SMPD1: variants seen among roughly 807,000 people sequenced by gnomAD.
SMPD1 encodes the protein sphingomyelin phosphodiesterase.
In SMPD1, 47 loss-of-function variants were observed where a neutral mutation model predicts 49.7. The observed-to-expected ratio is 0.95, with a 90% CI of 0.75 to 1.21. The LOEUF is 1.21. Among genes scored for constraint, SMPD1 ranks in the 50% most tolerant of loss-of-function variants. The pLI, the probability that SMPD1 is intolerant of heterozygous loss-of-function variation, is 0.00. For missense variants in SMPD1, 811 were observed against 822.2 expected (o/e 0.99, Z 0.17); for synonymous variants, 336 against 339.6 (o/e 0.99, Z 0.12).
chr11:6,391,347 GC>G, intron 1 of SMPD1, 36 bp from the exon 2 acceptor site: 1 of 1,609,202 alleles, frequency 6.2e-7, no homozygotes, highest in Non-Finnish European at 8.5e-7. Context: ...CCTCTGCTCT[GC>G]CTCTGATTTC....
At chr11:6,391,010 C>G in intron 1 of SMPD1, 94 bp downstream of exon 1, 1 of 1,479,434 alleles carries the variant, frequency 6.8e-7, no homozygotes, top group Non-Finnish European at 9.2e-7. Context: ...CAGAATGCAT[C>G]CCTGATGGAG....
Position 6,394,936 on chromosome 11 carries a change from A to C in SMPD1, c.*329A>C. On this transcript the variant is annotated 3_prime_UTR_variant, in exon 6 of 6. Transcript: ENST00000342245. The stretch of plus-strand genomic sequence containing the variant: ...TGTGCTGCCCAGCCAGGAACCCTGT[A>C]CTGCTGCTGCGACCTGATGCTGCCA... The C allele has an allele frequency of 2.5e-6, 1 of 402,142 alleles. No homozygotes were observed. The highest frequency in any genetic ancestry group is 7.0e-4 in the Middle Eastern group (1 of 1,424). The allele number at this position is 402,142 out of a possible 1,614,324, so 24.9% of individuals were successfully genotyped here. A position where few individuals can be genotyped will look rare whatever the true frequency, so the allele number is the denominator to read the frequency against.
chr11:6,393,609 C>T lies in SMPD1; in HGVS notation c.1264-8C>T. Reference sequence around the variant, plus strand: ...GCCCTGATTACCATCCTTAATTCTCCCTACTAGGTGCATATAATTGGCCAC... The same window carrying T: ...GCCCTGATTACCATCCTTAATTCTCTCTACTAGGTGCATATAATTGGCCAC... On this transcript the variant is annotated splice_polypyrimidine_tract_variant and splice_region_variant and intron_variant, in intron 3 of 5. Transcript: ENST00000342245. 3 of 1,609,280 alleles carry T rather than the reference C, an allele frequency of 1.9e-6. No homozygotes were observed. The highest frequency in any genetic ancestry group is 2.6e-6 in the Non-Finnish European group (3 of 1,175,620).
chr11:6,392,947 T>C (rs1848000912), intron 2 of SMPD1, among the ~76,000 whole-genome samples: 1 of 152,090 alleles, frequency 6.6e-6, no homozygotes, highest in South Asian at 2.1e-4. Flanking sequence ...TCCCACCTTA[T>C]CCATCCCATG....
chr11:6,391,298 T>C (rs1847896352), intron 1 of SMPD1, 86 bp from the exon 2 acceptor site: 1 of 1,375,164 alleles, frequency 7.3e-7, no homozygotes. Flanking sequence ...AGTTTGGAAA[T>C]GGAGGCCCAA....
chr11:6,393,721 G>A (rs1848047824), intron 4 of SMPD1, 28 bp downstream of exon 4: 1 of 1,597,478 alleles, frequency 6.3e-7, no homozygotes. Flanking sequence ...GTGGGAATAG[G>A]GACAGGGTGA....
intron 1 of SMPD1, 35 bp from the exon 2 acceptor site, chr11:6,391,349 C>G: frequency 6.2e-7 from 1 of 1,609,718 alleles, no homozygotes; most frequent in Non-Finnish European, 8.5e-7. Context: ...TCTGCTCTGC[C>G]TCTGATTTCT....
chr11:6,393,500 C>G (rs1848033561), intron 3 of SMPD1, 113 bp downstream of exon 3: 1 of 1,406,560 alleles, frequency 7.1e-7, no homozygotes, highest in Non-Finnish European at 1.0e-6. Context: ...AACAAGTGTT[C>G]CCTGGGGATT....
Position 6,392,103 on chromosome 11 carries a change from G to T in SMPD1, c.1038G>T (p.Ala346=), listed in dbSNP as rs781107025. 11 of 1,614,010 alleles carry T rather than the reference G, an allele frequency of 6.8e-6. No individual in the cohort carries two copies. Among genetic ancestry groups the T allele is most frequent in the Non-Finnish European group, 9.3e-6 (11 of 1,180,022 alleles). Residue 346 remains alanine (A), a synonymous_variant, in exon 2 of 6, where the codon GCG becomes GCT. Coordinates refer to ENST00000342245, the MANE Select transcript of SMPD1 (RefSeq NM_000543.5). The part of the protein sequence containing the change: ...GNHSSRWLYE[A]MAKAWEPWLP... ...ACTCCTCCCGCTGGCTCTATGAAGC[G>T]ATGGCCAAGGCTTGGGAGCCCTGGC...
intron 2 of SMPD1, among the ~76,000 whole-genome samples, chr11:6,393,002 C>T (rs1247999983): frequency 1.3e-5 from 2 of 152,096 alleles, no homozygotes; most frequent in African/African-American, 4.8e-5. Flanking sequence ...CTAGCTAACT[C>T]TTATCCCTCC....
chr11:6,392,606 T>C (rs1847984045), intron 2 of SMPD1, among the ~76,000 whole-genome samples: 1 of 146,964 alleles, frequency 6.8e-6, no homozygotes, highest in Non-Finnish European at 1.5e-5. Flanking sequence ...CAAGCAATTC[T>C]GCCTCAGCCT....
rs1847907387 is a variant in SMPD1, at chr11:6,391,518, AG to A, written c.454del (p.Val152CysfsTer2). The part of the protein sequence containing the change: ...DDMVEVWRRS[V>X]LSPSEACGLL... ...ACATGGTGGAGGTGTGGAGACGCTC[AG>A]TGCTGAGCCCATCTGAGGCCTGTGG... is the stretch of plus-strand genomic sequence containing the variant. On this transcript the variant is annotated frameshift_variant, in exon 2 of 6. Coordinates refer to ENST00000342245, the MANE Select transcript of SMPD1 (RefSeq NM_000543.5). LOFTEE classifies it high-confidence loss of function. The A allele has an allele frequency of 6.2e-7, 1 of 1,613,962 alleles. No individual in the cohort carries two copies. The highest frequency in any genetic ancestry group is 8.5e-7 in the Non-Finnish European group (1 of 1,180,032).
In SMPD1 at chr11:6,390,750, A is replaced by T. The variant is rs748589919; in HGVS notation, c.152A>T (p.Asp51Val). Residue 51 changes from aspartate (D) to valine (V), a missense_variant, in exon 1 of 6, where the codon GAC becomes GTC. Transcript: ENST00000342245. ...LALALALALS[D>V]SRVLWAPAEA... Reference sequence around the variant, plus strand: ...CTGGCGCTGGCGCTGGCTCTGTCTGACTCTCGGGTTCTCTGGGCTCCGGCA... The same window carrying T: ...CTGGCGCTGGCGCTGGCTCTGTCTGTCTCTCGGGTTCTCTGGGCTCCGGCA... The T allele has an allele frequency of 8.7e-6, 14 of 1,607,138 alleles. No homozygotes were observed. The South Asian group carries it at 8.8e-5, about 10-fold the overall frequency.
intron 3 of SMPD1, 67 bp from the exon 4 acceptor site, chr11:6,393,550 C>G (rs1848036375): frequency 1.0e-5 from 15 of 1,433,830 alleles, no homozygotes; most frequent in Non-Finnish European, 1.4e-5. Context: ...TTCAGTCCCC[C>G]TTTCTCTAGC....
chr11:6,390,670 C>A lies in SMPD1; in HGVS notation c.72C>A (p.Thr24=), dbSNP rs886043870. Residue 24 remains threonine (T), a synonymous_variant, in exon 1 of 6, where the codon ACC becomes ACA. Transcript: ENST00000342245. ...GCCGGGAGCAGGGACAAGACGGGACCGCCGGAGCCCCCGGACTCCTTTGGA... is the reference window on the plus strand; with the variant it reads ...GCCGGGAGCAGGGACAAGACGGGACAGCCGGAGCCCCCGGACTCCTTTGGA... ...RSGREQGQDG[T]AGAPGLLWMG... The A allele has an allele frequency of 6.2e-7, 1 of 1,613,088 alleles. No homozygotes were observed. The highest frequency in any genetic ancestry group is 1.7e-5 in the Admixed American group (1 of 59,980).
At position 6,393,971 on chromosome 11, in the gene SMPD1, G is replaced by C. The variant is rs531223061; in HGVS notation, c.1416G>C (p.Glu472Asp). 1 of 1,614,226 alleles carries C rather than the reference G, an allele frequency of 6.2e-7. No individual in the cohort carries two copies. Among genetic ancestry groups the C allele is most frequent in the African/African-American group, 1.3e-5 (1 of 75,046 alleles). ...VDEFEVFYDE[E>D]TLSRPLAVAF... Reference sequence around the variant, plus strand: ...AATTTGAGGTCTTCTATGATGAAGAGACTCTGAGCCGGCCGCTGGCTGTAG... The same window carrying C: ...AATTTGAGGTCTTCTATGATGAAGACACTCTGAGCCGGCCGCTGGCTGTAG... The change falls in exon 5 of 6, where the codon GAG becomes GAC. Residue 472 changes from glutamate to aspartate, a missense_variant. Transcript: ENST00000342245.
rs371141815 is a variant in SMPD1 at position 6,391,455 on chromosome 11, T to G, written c.390T>G (p.Pro130=). Residue 130 remains proline (P), a synonymous_variant, in exon 2 of 6, where the codon CCT becomes CCG. Coordinates refer to ENST00000342245, the MANE Select transcript of SMPD1 (RefSeq NM_000543.5). ...GCAATCTGCTGAAGATAGCACCACC[T>G]GCCGTGTGCCAATCCATTGTCCACC... ...KLCNLLKIAP[P]AVCQSIVHLF... is the part of the protein sequence containing the mutation. 1.6e-5 allele frequency: 26 copies of G among 1,613,698 alleles called. No homozygotes were observed. The highest frequency in any genetic ancestry group is 2.2e-5 in the Non-Finnish European group (26 of 1,180,034).
Position 6,394,646 on chromosome 11 carries a change from G to C in SMPD1, c.*39G>C, listed in dbSNP as rs1564928350. ...ACATTTGGGAAAGTTCTTGATGTAG[G>C]AAAGGGTGAAAAAGCCCAAATGCTG... On this transcript the variant is annotated 3_prime_UTR_variant, in exon 6 of 6. Coordinates refer to ENST00000342245, the MANE Select transcript of SMPD1 (RefSeq NM_000543.5). 6.4e-7 allele frequency: 1 copy of C among 1,562,368 alleles called. No individual in the cohort carries two copies. Among genetic ancestry groups the C allele is most frequent in the Admixed American group, 1.7e-5 (1 of 59,408 alleles).
In SMPD1 at chr11:6,392,105, T is replaced by C; in HGVS notation, c.1040T>C (p.Met347Thr). 1 of 1,614,162 alleles carries C rather than the reference T, an allele frequency of 6.2e-7. No individual in the cohort carries two copies. Residue 347 changes from methionine to threonine, a missense_variant, in exon 2 of 6, where the codon ATG becomes ACG. Coordinates refer to ENST00000342245, the MANE Select transcript of SMPD1 (RefSeq NM_000543.5). ...TCCTCCCGCTGGCTCTATGAAGCGATGGCCAAGGCTTGGGAGCCCTGGCTG... is the reference window on the plus strand; with the variant it reads ...TCCTCCCGCTGGCTCTATGAAGCGACGGCCAAGGCTTGGGAGCCCTGGCTG... Reference protein sequence around the residue: ...NHSSRWLYEAMAKAWEPWLPA... With the variant: ...NHSSRWLYEATAKAWEPWLPA...
Sources: gnomAD v4.1 joint callset for allele counts (sites outside exome capture counted in the v4.1 genomes callset) on GRCh38, gnomAD v4.1.1 for gene constraint, MANE v1.5 for transcripts, NCBI Gene and HGNC (gene_info 2026-07-23, HGNC 2026-07-21) for gene names.